The following GPHN variants were observed in gnomAD, a reference collection of about 807,000 sequenced individuals.
GPHN encodes the protein gephyrin.
GPHN carries 17 observed loss-of-function variants against 95.5 expected under a neutral mutation model. That is an observed-to-expected ratio of 0.18 (90% CI 0.12 to 0.27). The LOEUF is 0.27. Ranked by LOEUF, GPHN falls within the 10% of genes least tolerant of loss-of-function variation. GPHN has a pLI of 1.00. For missense variants in GPHN, 660 were observed against 978.1 expected, an observed-to-expected ratio of 0.67 and a Z score of 4.34; for synonymous variants, 320 against 322.5, an observed-to-expected ratio of 0.99 and a Z score of 0.08.
rs554452530 is a variant in GPHN, at chr14:66,666,216, G to A, written c.65-14891G>A. 5.3e-4 allele frequency among the ~76,000 whole-genome samples: 81 copies of A among 151,604 alleles called. 3 individuals are homozygous for A. The highest frequency in any genetic ancestry group is 1.9e-3 in the African/African-American group (78 of 41,364). Reference sequence around the variant, plus strand: ...GTATACATATGTAACAAACCTGCACGTTGTGCACATGTACCCTAGAACTTA... The same window carrying A: ...GTATACATATGTAACAAACCTGCACATTGTGCACATGTACCCTAGAACTTA... On this transcript the variant is annotated intron_variant, in intron 1 of 22. Transcript: ENST00000478722.
intron 6 of GPHN, among the ~76,000 whole-genome samples, chr14:66,919,127 T>C (rs1212173577): frequency 6.6e-6 from 1 of 152,186 alleles, no homozygotes; most frequent in African/African-American, 2.4e-5. Context: ...TTATTTTATA[T>C]TTTGCTTGCT....
the GPHN span, among the ~76,000 whole-genome samples, chr14:67,307,974 A>C: frequency 2.0e-5 from 3 of 152,078 alleles, no homozygotes; most frequent in Non-Finnish European, 4.4e-5. Context: ...GCAAACTAAC[A>C]CAGGAACAGA....
At chr14:67,316,344 CAAA>C in the GPHN span, among the ~76,000 whole-genome samples, 3 of 152,012 alleles carry the variant, frequency 2.0e-5, no homozygotes, top group Non-Finnish European at 4.4e-5. Flanking sequence ...TATACATACA[CAAA>C]AGAAGAGGAA....
intron 9 of GPHN, among the ~76,000 whole-genome samples, chr14:67,008,630 C>T (rs983460514): frequency 4.0e-5 from 6 of 151,814 alleles, no homozygotes; most frequent in African/African-American, 9.7e-5. Context: ...CTGCAACCTC[C>T]GCCTTCTGGG....
At chr14:66,830,999 A>AT (rs1169205594) in intron 4 of GPHN, among the ~76,000 whole-genome samples, 1 of 152,062 alleles carries the variant, frequency 6.6e-6, no homozygotes, top group Non-Finnish European at 1.5e-5. Flanking sequence ...TTTCTTTCTT[A>AT]TATTGTAATG....
chr14:67,722,420 C>A, the GPHN span: 1 of 614,416 alleles, frequency 1.6e-6, no homozygotes, highest in Non-Finnish European at 2.9e-6. Flanking sequence ...CCCCTCCCCA[C>A]CAGGACTACA....
intron 18 of GPHN, among the ~76,000 whole-genome samples, chr14:67,148,038 CA>C (rs2153708668): frequency 6.6e-6 from 1 of 151,888 alleles, no homozygotes; most frequent in South Asian, 2.1e-4. Flanking sequence ...AGGCAAAAAT[CA>C]AAAAAGTTAT....
chr14:66,961,900 GTATATATATATATATATATA>G (rs767734322), intron 8 of GPHN, among the ~76,000 whole-genome samples: 2,384 of 53,008 alleles, frequency 0.045, 98 homozygotes, highest in Non-Finnish European at 0.072. Context: ...CCCTGAATGT[GTATATATATATATATATATA>G]TATATATATA....
the GPHN span, among the ~76,000 whole-genome samples, chr14:67,215,624 G>C: frequency 6.6e-6 from 1 of 152,134 alleles, no homozygotes; most frequent in Non-Finnish European, 1.5e-5. Flanking sequence ...CAGAAGGATA[G>C]AGGCAGGTGC....
intron 3 of GPHN, among the ~76,000 whole-genome samples, chr14:66,804,224 G>A (rs2060463035): frequency 1.3e-5 from 2 of 152,178 alleles, no homozygotes; most frequent in Admixed American, 1.3e-4. Context: ...TACGAACATG[G>A]TGGGTTTTCC....
chr14:67,011,676 G>T (rs945400857), intron 9 of GPHN, among the ~76,000 whole-genome samples: 7 of 150,914 alleles, frequency 4.6e-5, no homozygotes, highest in African/African-American at 1.7e-4. Flanking sequence ...TATTTCCCAG[G>T]ATCCTTTTTA....
intron 2 of GPHN, among the ~76,000 whole-genome samples, chr14:66,715,074 C>A (rs1417251649): frequency 2.0e-5 from 3 of 152,116 alleles, no homozygotes; most frequent in Admixed American, 2.0e-4. Flanking sequence ...CTTTGAATGT[C>A]TGGTAGAATT....
the GPHN span, among the ~76,000 whole-genome samples, chr14:67,212,615 G>A: frequency 0.03 from 4,087 of 135,220 alleles, 79 homozygotes; most frequent in Non-Finnish European, 0.044. Context: ...ATATATATAT[G>A]TAATATATAT....
the GPHN span, chr14:67,725,987 G>C: frequency 2.8e-6 from 3 of 1,076,468 alleles, no homozygotes; most frequent in South Asian, 1.2e-5. Flanking sequence ...AATTATGCAG[G>C]TCTGTTACAG....
intron 9 of GPHN, chr14:66,968,910 C>G (rs2069537799): frequency 6.6e-6 from 1 of 151,956 alleles, no homozygotes; most frequent in African/African-American, 2.4e-5. Context: ...AGCACTTAAC[C>G]AATATATAGA....
At chr14:67,014,110 A>T (rs933163411) in intron 9 of GPHN, among the ~76,000 whole-genome samples, 3 of 152,082 alleles carry the variant, frequency 2.0e-5, no homozygotes, top group Non-Finnish European at 4.4e-5. Context: ...AACAAAAAAA[A>T]ATCAGCATTT....
At chr14:67,734,286 C>T in the GPHN span, 1 of 193,428 alleles carries the variant, frequency 5.2e-6, no homozygotes. Flanking sequence ...TTTGCCACCA[C>T]CCTGGAGTCT....
intron 3 of GPHN, among the ~76,000 whole-genome samples, chr14:66,818,926 T>A (rs2061085833): frequency 6.6e-6 from 1 of 151,982 alleles, no homozygotes; most frequent in African/African-American, 2.4e-5. Flanking sequence ...CTTTCCCCAC[T>A]TTTTAATGGG....
At chr14:66,705,122 T>G (rs1595621590) in intron 2 of GPHN, among the ~76,000 whole-genome samples, 1 of 152,358 alleles carries the variant, frequency 6.6e-6, no homozygotes, top group African/African-American at 2.4e-5. Flanking sequence ...CAGGAAGAAG[T>G]TGAATCCCTG....
Sources: gnomAD v4.1 joint callset for allele counts (sites outside exome capture counted in the v4.1 genomes callset) on GRCh38, gnomAD v4.1.1 for gene constraint, MANE v1.5 for transcripts, NCBI Gene and HGNC (gene_info 2026-07-23, HGNC 2026-07-21) for gene names.